The following LRMDA variants were observed in gnomAD, a reference collection of about 807,000 sequenced individuals.
LRMDA encodes the protein leucine-rich melanocyte differentiation-associated protein.
In LRMDA, 18 loss-of-function variants were observed where a neutral mutation model predicts 29.8. That is an observed-to-expected ratio of 0.60 (90% CI 0.42 to 0.90). The LOEUF (loss-of-function observed/expected upper bound fraction) is 0.90, where lower values mean the gene tolerates loss of function less well. Ranked by LOEUF, LRMDA falls within the 40% of genes least tolerant of loss-of-function variation. The pLI, the probability that LRMDA is intolerant of heterozygous loss-of-function variation, is 0.00. For synonymous variants in LRMDA, 125 were observed against 109.4 expected (o/e 1.14, Z -0.89); for missense variants, 273 against 273.9 (o/e 1.00, Z 0.02).
intron 2 of LRMDA, among the ~76,000 whole-genome samples, chr10:75,770,572 TGTC>T (rs1843226377): frequency 6.6e-6 from 1 of 152,238 alleles, no homozygotes; most frequent in Non-Finnish European, 1.5e-5. Context: ...CTTCTTTTGT[TGTC>T]TTCCAGAAAC....
chr10:75,618,570 C>T (rs1177492156), intron 2 of LRMDA, among the ~76,000 whole-genome samples: 1 of 147,616 alleles, frequency 6.8e-6, no homozygotes, highest in Non-Finnish European at 1.5e-5. Flanking sequence ...GCACTGACTC[C>T]CCTGTGTAGT....
At position 76,357,662 on chromosome 10, in the gene LRMDA, A is replaced by T. The variant is rs150711168; in HGVS notation, c.601+33177A>T. Among the ~76,000 whole-genome samples the T allele has an allele frequency of 2.9e-3, 444 of 152,264 alleles. 1 individual carries two copies. The highest frequency in any genetic ancestry group is 0.01 in the African/African-American group (425 of 41,552). ...GTGAACTAGCTGCAGAGACCAACTTATCCAATGAACAAAGTAGGTGTAAAA... is the reference window on the plus strand; with the variant it reads ...GTGAACTAGCTGCAGAGACCAACTTTTCCAATGAACAAAGTAGGTGTAAAA... On this transcript the variant is annotated intron_variant, in intron 6 of 6. Transcript: ENST00000611255.
chr10:75,756,511 A>G (rs1843034465), intron 2 of LRMDA, among the ~76,000 whole-genome samples: 1 of 152,252 alleles, frequency 6.6e-6, no homozygotes, highest in South Asian at 2.1e-4. Context: ...TACCAGAGAA[A>G]TAAACTGACT....
intron 2 of LRMDA, among the ~76,000 whole-genome samples, chr10:75,636,829 C>A (rs916822719): frequency 1.3e-5 from 2 of 151,950 alleles, no homozygotes; most frequent in African/African-American, 4.8e-5. Flanking sequence ...TCTTCTAAGA[C>A]CAGAATTGGC....
At chr10:76,168,531 G>A (rs542045623) in intron 5 of LRMDA, among the ~76,000 whole-genome samples, 1 of 152,272 alleles carries the variant, frequency 6.6e-6, no homozygotes, top group South Asian at 2.1e-4. Flanking sequence ...GGCGAACTTG[G>A]TGATGATCTG....
chr10:76,005,283 C>T (rs765261993), intron 2 of LRMDA, among the ~76,000 whole-genome samples: 6 of 152,206 alleles, frequency 3.9e-5, no homozygotes, highest in Admixed American at 6.5e-5. Context: ...ATTAAAGCTA[C>T]ATGATATTCC....
intron 5 of LRMDA, among the ~76,000 whole-genome samples, chr10:76,132,027 A>C (rs572215775): frequency 1.3e-5 from 2 of 152,220 alleles, no homozygotes; most frequent in Non-Finnish European, 2.9e-5. Context: ...TCAAGATGCA[A>C]ATCTTGAATG....
At chr10:75,724,744 A>G (rs1589172133) in intron 2 of LRMDA, among the ~76,000 whole-genome samples, 1 of 152,304 alleles carries the variant, frequency 6.6e-6, no homozygotes, top group East Asian at 1.9e-4. Context: ...TGTAAAAACA[A>G]TTATATTGGA....
intron 6 of LRMDA, among the ~76,000 whole-genome samples, chr10:76,383,448 G>T (rs866534949): frequency 8.2e-6 from 1 of 122,502 alleles, no homozygotes; most frequent in Non-Finnish European, 1.6e-5. Context: ...TTTTGAGACG[G>T]AGTCTCGCTC....
At chr10:76,262,047 A>G (rs1332547276) in intron 5 of LRMDA, among the ~76,000 whole-genome samples, 2 of 152,032 alleles carry the variant, frequency 1.3e-5, no homozygotes, top group Non-Finnish European at 2.9e-5. Flanking sequence ...ACCCTGGGCA[A>G]CAAAACAAGA....
At chr10:75,555,320 G>A (rs1368696063) in intron 2 of LRMDA, among the ~76,000 whole-genome samples, 1 of 152,150 alleles carries the variant, frequency 6.6e-6, no homozygotes, top group East Asian at 1.9e-4. Flanking sequence ...TGTGCCATGT[G>A]GGAAGATAGA....
intron 2 of LRMDA, among the ~76,000 whole-genome samples, chr10:76,010,632 T>G (rs1038706916): frequency 6.6e-6 from 1 of 152,092 alleles, no homozygotes; most frequent in Admixed American, 6.5e-5. Flanking sequence ...TTTTTAAGAG[T>G]AGGCAACATC....
At chr10:75,567,282 C>T (rs1418442899) in intron 2 of LRMDA, among the ~76,000 whole-genome samples, 1 of 152,216 alleles carries the variant, frequency 6.6e-6, no homozygotes, top group African/African-American at 2.4e-5. Flanking sequence ...CCTTGCCTTC[C>T]TTCAGCCACC....
intron 5 of LRMDA, among the ~76,000 whole-genome samples, chr10:76,246,293 G>C (rs1374256635): frequency 6.6e-6 from 1 of 152,160 alleles, no homozygotes; most frequent in Admixed American, 6.5e-5. Flanking sequence ...AACTCAAAAA[G>C]CCTGTATGGA....
intron 5 of LRMDA, among the ~76,000 whole-genome samples, chr10:76,063,496 T>A (rs1848735964): frequency 6.6e-6 from 1 of 152,146 alleles, no homozygotes; most frequent in Admixed American, 6.5e-5. Flanking sequence ...TGTATTTGTG[T>A]AGTTTGTTGT....
At chr10:75,438,516 T>A in intron 2 of LRMDA, 22 bp downstream of exon 2, 2 of 1,541,942 alleles carry the variant, frequency 1.3e-6, no homozygotes, top group Non-Finnish European at 1.8e-6. Context: ...TCACAAGATG[T>A]AGGCCAGGCC....
chr10:76,088,042 C>T (rs991735252), intron 5 of LRMDA, among the ~76,000 whole-genome samples: 3 of 152,146 alleles, frequency 2.0e-5, no homozygotes, highest in African/African-American at 4.8e-5. Context: ...ATCACTTGAA[C>T]CCGGGAGGTT....
intron 2 of LRMDA, among the ~76,000 whole-genome samples, chr10:75,847,560 A>G (rs558070460): frequency 2.0e-5 from 3 of 152,288 alleles, no homozygotes; most frequent in African/African-American, 7.2e-5. Flanking sequence ...ACAGAACAAA[A>G]TGGCAGCCTA....
chr10:75,855,580 C>T (rs1056587973), intron 2 of LRMDA, among the ~76,000 whole-genome samples: 4 of 152,192 alleles, frequency 2.6e-5, no homozygotes, highest in African/African-American at 9.7e-5. Context: ...TAGATCCCAT[C>T]TGTCAATTTT....
Sources: gnomAD v4.1 joint callset for allele counts (sites outside exome capture counted in the v4.1 genomes callset) on GRCh38, gnomAD v4.1.1 for gene constraint, MANE v1.5 for transcripts, NCBI Gene and HGNC (gene_info 2026-07-23, HGNC 2026-07-21) for gene names.